The following SH2D4B variants were observed in gnomAD, a reference collection of about 807,000 sequenced individuals.
SH2D4B encodes SH2 domain-containing protein 4B.
A neutral mutation model predicts 61.5 loss-of-function variants in SH2D4B; 45 were observed. The observed-to-expected ratio is 0.73, with a 90% CI of 0.58 to 0.94. The LOEUF (loss-of-function observed/expected upper bound fraction) is 0.94, where lower values mean the gene tolerates loss of function less well. SH2D4B is among the 40% of genes least tolerant of loss of function. The probability of loss-of-function intolerance (pLI) is 0.00; values close to 1 mark genes in which losing one functional copy is unlikely to be tolerated. For synonymous variants in SH2D4B, 224 were observed against 220.4 expected, an observed-to-expected ratio of 1.02 and a Z score of -0.14; for missense variants, 572 against 574.2, an observed-to-expected ratio of 1.00 and a Z score of 0.04.
chr10:80,557,240 T>C (rs1346757552), intron 1 of SH2D4B, among the ~76,000 whole-genome samples: 5 of 152,150 alleles, frequency 3.3e-5, no homozygotes, highest in Non-Finnish European at 2.9e-5. Context: ...AAATCATATA[T>C]GGTCATGATA....
intron 1 of SH2D4B, among the ~76,000 whole-genome samples, chr10:80,565,920 C>G (rs71483309): frequency 6.6e-6 from 1 of 151,632 alleles, no homozygotes; most frequent in Non-Finnish European, 1.5e-5. Context: ...GAAACCCCGT[C>G]TCTACTAAAA....
At chr10:80,604,877 T>G (rs1842498871) in intron 5 of SH2D4B, among the ~76,000 whole-genome samples, 1 of 151,926 alleles carries the variant, frequency 6.6e-6, no homozygotes. Flanking sequence ...CACTGCAAGC[T>G]CCGCCTTCCA....
chr10:80,572,986 A>ATTTTTTTTTTTTTTTTTTTTTTT (rs61401607), intron 3 of SH2D4B, among the ~76,000 whole-genome samples: 1 of 8,874 alleles, frequency 1.1e-4, no homozygotes, highest in Non-Finnish European at 2.0e-4. Flanking sequence ...ATATATATAT[A>ATTTTTTTTTTTTTTTTTTTTTTT]TTTTTTTTTT....
At chr10:80,577,820 C>T (rs539335076) in intron 3 of SH2D4B, among the ~76,000 whole-genome samples, 5 of 152,164 alleles carry the variant, frequency 3.3e-5, no homozygotes, top group Middle Eastern at 3.4e-3. Flanking sequence ...CCTCGGCCTC[C>T]CAAAGTGCTG....
At chr10:80,600,909 G>A (rs1406925946) in intron 4 of SH2D4B, among the ~76,000 whole-genome samples, 4 of 152,120 alleles carry the variant, frequency 2.6e-5, no homozygotes, top group Non-Finnish European at 5.9e-5. Context: ...CTAGTTTTTA[G>A]TTTGCAGTCA....
At chr10:80,554,042 C>T (rs1196720969) in intron 1 of SH2D4B, among the ~76,000 whole-genome samples, 1 of 152,214 alleles carries the variant, frequency 6.6e-6, no homozygotes, top group Non-Finnish European at 1.5e-5. Context: ...CCCAGTGAAG[C>T]AAAGTATGTT....
At position 80,600,520 on chromosome 10, in the gene SH2D4B, C is replaced by CGTGTGTGTGTGTGTGTGTGTGT. The variant is rs769408150; in HGVS notation, c.644-3059_644-3058insGTGTGTGTGTGTGTGTGTGTGT. Among the ~76,000 whole-genome samples, 10 of 133,618 alleles carry CGTGTGTGTGTGTGTGTGTGTGT rather than the reference C, an allele frequency of 7.5e-5. 1 individual carries two copies. Among genetic ancestry groups the CGTGTGTGTGTGTGTGTGTGTGT allele is most frequent in the African/African-American group, 2.6e-4 (9 of 34,452 alleles). 87.7% of individuals were successfully genotyped at this position (133,618 alleles called of 152,430 possible). On this transcript the variant is annotated intron_variant, in intron 4 of 7. Transcript: ENST00000646907. ...GTGGTGGAGCTACAGTGCAGAGTGG[C>CGTGTGTGTGTGTGTGTGTGTGT]ATGTGTGTGTGTGTGTGTGTGTGTG...
chr10:80,581,516 A>C (rs186219588), intron 3 of SH2D4B, among the ~76,000 whole-genome samples: 1 of 152,204 alleles, frequency 6.6e-6, no homozygotes, highest in Non-Finnish European at 1.5e-5. Flanking sequence ...ACCCTACTCC[A>C]ATATGACTGC....
At chr10:80,546,046 C>CTTTTT (rs577179576) in intron 1 of SH2D4B, among the ~76,000 whole-genome samples, 3 of 130,424 alleles carry the variant, frequency 2.3e-5, no homozygotes, top group African/African-American at 5.8e-5. Flanking sequence ...CTCTCTCTTT[C>CTTTTT]TTTTTTTTTT....
chr10:80,600,520 CATGTGTGTGT>C (rs147774683), intron 4 of SH2D4B, among the ~76,000 whole-genome samples: 16,442 of 133,672 alleles, frequency 0.12, 1,018 homozygotes, highest in East Asian at 0.24. Context: ...TGCAGAGTGG[CATGTGTGTGT>C]GTGTGTGTGT....
chr10:80,594,402 G>A (rs986732128), intron 4 of SH2D4B, among the ~76,000 whole-genome samples: 17 of 152,054 alleles, frequency 1.1e-4, no homozygotes, highest in African/African-American at 4.1e-4. Flanking sequence ...ATTTTGTTGA[G>A]GATTTTGCAT....
At position 80,593,055 on chromosome 10, in the gene SH2D4B, A is replaced by G. The variant is rs907157657; in HGVS notation, c.643+4278A>G. Among the ~76,000 whole-genome samples, 3 of 152,158 alleles carry G rather than the reference A, an allele frequency of 2.0e-5. No homozygotes were observed. In the East Asian group the frequency reaches 5.8e-4, roughly 29 times the overall value. Reference sequence around the variant, plus strand: ...TTTCAATCCTGTTCCATTGATTTATATGTCTGTTTCTTATGCCAGTATGAC... The same window carrying G: ...TTTCAATCCTGTTCCATTGATTTATGTGTCTGTTTCTTATGCCAGTATGAC... On this transcript the variant is annotated intron_variant, in intron 4 of 7. Coordinates refer to ENST00000646907, the MANE Select transcript of SH2D4B (RefSeq NM_001388272.1).
intron 6 of SH2D4B, among the ~76,000 whole-genome samples, chr10:80,614,690 G>A (rs976004915): frequency 6.6e-6 from 1 of 152,242 alleles, no homozygotes; most frequent in Non-Finnish European, 1.5e-5. Flanking sequence ...CTGCCATGCA[G>A]TGTGGTTCTG....
chr10:80,549,702 C>A (rs1433589844), intron 1 of SH2D4B, among the ~76,000 whole-genome samples: 2 of 152,228 alleles, frequency 1.3e-5, no homozygotes, highest in African/African-American at 4.8e-5. Flanking sequence ...TTCCTCAGGC[C>A]CAGCAGTGAG....
chr10:80,546,649 C>T (rs1325683878), intron 1 of SH2D4B, among the ~76,000 whole-genome samples: 1 of 151,984 alleles, frequency 6.6e-6, no homozygotes, highest in Non-Finnish European at 1.5e-5. Context: ...CCTCAGCCTC[C>T]CGAGTAGCTG....
intron 1 of SH2D4B, among the ~76,000 whole-genome samples, chr10:80,551,755 G>A (rs1318294755): frequency 6.6e-6 from 1 of 152,246 alleles, no homozygotes; most frequent in Non-Finnish European, 1.5e-5. Context: ...CTGAGTGCCT[G>A]TCCCTTTCCA....
intron 1 of SH2D4B, among the ~76,000 whole-genome samples, chr10:80,544,062 C>T (rs1261330951): frequency 6.6e-6 from 1 of 152,052 alleles, no homozygotes; most frequent in Non-Finnish European, 1.5e-5. Flanking sequence ...CACTCCTGTC[C>T]CCTTCCACAC....
At chr10:80,632,467 A>G (rs568144424) in intron 6 of SH2D4B, among the ~76,000 whole-genome samples, 1 of 152,188 alleles carries the variant, frequency 6.6e-6, no homozygotes, top group Non-Finnish European at 1.5e-5. Flanking sequence ...GTTGAATCGT[A>G]TATAATTTGA....
chr10:80,544,635 C>T (rs769741665), intron 1 of SH2D4B, among the ~76,000 whole-genome samples: 13 of 152,246 alleles, frequency 8.5e-5, no homozygotes, highest in Non-Finnish European at 1.6e-4. Context: ...CCTTGCATGC[C>T]AGCCCTGCCT....
Sources: gnomAD v4.1 joint callset for allele counts (sites outside exome capture counted in the v4.1 genomes callset) on GRCh38, gnomAD v4.1.1 for gene constraint, MANE v1.5 for transcripts, NCBI Gene and HGNC (gene_info 2026-07-23, HGNC 2026-07-21) for gene names.